Variants in GLYAT observed in about 807,000 individuals in gnomAD.
GLYAT encodes glycine-N-acyltransferase, also known as glycine N-acyltransferase.
In GLYAT, 25 loss-of-function variants were observed where a neutral mutation model predicts 22.8. That is an observed-to-expected ratio of 1.09 (90% CI 0.80 to 1.53). GLYAT has a LOEUF of 1.53. Ranked by LOEUF, GLYAT falls within the 40% of genes most tolerant of loss-of-function variation. The probability of loss-of-function intolerance (pLI) is 0.00; values close to 1 mark genes in which losing one functional copy is unlikely to be tolerated. For missense variants in GLYAT, 411 were observed against 353.9 expected (o/e 1.16, Z -1.29); for synonymous variants, 140 against 122.7 (o/e 1.14, Z -0.93).
intron 1 of GLYAT, 81 bp from the exon 2 acceptor site, chr11:58,724,592 A>C: frequency 1.8e-6 from 1 of 560,236 alleles, no homozygotes; most frequent in Non-Finnish European, 2.7e-6. Context: ...TTCTTTATTA[A>C]TGACCAGGTT....
chr11:58,722,085 C>T (rs1357594811), intron 2 of GLYAT, among the ~76,000 whole-genome samples: 7 of 151,994 alleles, frequency 4.6e-5, no homozygotes, highest in Admixed American at 4.6e-4. Flanking sequence ...AATAAATAAA[C>T]TTAATAATTT....
At chr11:58,723,296 T>C (rs1856774787) in intron 2 of GLYAT, among the ~76,000 whole-genome samples, 1 of 152,058 alleles carries the variant, frequency 6.6e-6, no homozygotes, top group Non-Finnish European at 1.5e-5. Flanking sequence ...TTAAGGATTG[T>C]CATGTGAAGC....
intron 5 of GLYAT, 148 bp from the exon 6 acceptor site, chr11:58,710,316 C>T (rs754284049): frequency 1.5e-6 from 2 of 1,320,120 alleles, no homozygotes; most frequent in Non-Finnish European, 2.0e-6. Flanking sequence ...GAAAGAGGAA[C>T]AGAGTGAAGG....
chr11:58,712,864 T>A lies in GLYAT; in HGVS notation c.212A>T (p.His71Leu). 2 of 1,604,246 alleles carry A rather than the reference T, an allele frequency of 1.2e-6. No homozygotes were observed. Among genetic ancestry groups the A allele is most frequent in the Non-Finnish European group, 1.7e-6 (2 of 1,171,220 alleles). The stretch of plus-strand genomic sequence containing the variant: ...GTAGATTTGGTAAGTATTGGTATAG[T>A]GATCAAGGTCATCTGTCATATCCTG... The part of the protein sequence containing the change: ...QEQDMTDDLD[H>L]YTNTYQIYSK... Residue 71 changes from histidine to leucine, a missense_variant, in exon 4 of 6, where the codon CAC (histidine) becomes CTC (leucine). By Grantham distance (99) the His-to-Leu change is moderately conservative. Transcript: ENST00000344743.
intron 3 of GLYAT, among the ~76,000 whole-genome samples, chr11:58,714,907 CT>C (rs1027562683): frequency 6.6e-6 from 1 of 151,796 alleles, no homozygotes. Flanking sequence ...ACTCATTGTC[CT>C]TTTTTTTACA....
At chr11:58,729,885 G>T (rs1856854244) in intron 1 of GLYAT, among the ~76,000 whole-genome samples, 1 of 152,110 alleles carries the variant, frequency 6.6e-6, no homozygotes, top group Non-Finnish European at 1.5e-5. Flanking sequence ...AGTTAAAGTA[G>T]AGCTTAATGT....
At chr11:58,721,449 A>G (rs1235746806) in intron 2 of GLYAT, among the ~76,000 whole-genome samples, 1 of 152,052 alleles carries the variant, frequency 6.6e-6, no homozygotes, top group Non-Finnish European at 1.5e-5. Flanking sequence ...GTGAAAACAG[A>G]ATTCAGTCAA....
intron 4 of GLYAT, 83 bp from the exon 5 acceptor site, chr11:58,710,844 A>G (rs969603384): frequency 2.5e-6 from 2 of 813,014 alleles, no homozygotes; most frequent in Non-Finnish European, 2.1e-6. Flanking sequence ...AGTGTCTGGG[A>G]TTTAGTATCA....
chr11:58,718,263 G>C (rs1014042510), intron 2 of GLYAT, among the ~76,000 whole-genome samples: 2 of 152,020 alleles, frequency 1.3e-5, no homozygotes, highest in African/African-American at 4.8e-5. Flanking sequence ...AAATTCTGGA[G>C]AAGTGAGGTA....
chr11:58,710,791 G>T (rs1856606382), intron 4 of GLYAT, 30 bp from the exon 5 acceptor site: 13 of 1,305,144 alleles, frequency 1.0e-5, no homozygotes, highest in Non-Finnish European at 1.3e-5. Flanking sequence ...GAGATGAAAT[G>T]GTTTAGGTAT....
intron 2 of GLYAT, among the ~76,000 whole-genome samples, chr11:58,716,854 A>T (rs1034923114): frequency 6.6e-6 from 1 of 152,064 alleles, no homozygotes; most frequent in Non-Finnish European, 1.5e-5. Context: ...TTTTAGGGAG[A>T]TATGATACCT....
At chr11:58,712,657 G>A in intron 4 of GLYAT, 103 bp downstream of exon 4, 1 of 973,776 alleles carries the variant, frequency 1.0e-6, no homozygotes, top group Admixed American at 1.9e-5. Context: ...AAAATTGACA[G>A]CAGGCTGGGA....
At chr11:58,714,704 G>C (rs774469682) in intron 3 of GLYAT, among the ~76,000 whole-genome samples, 4 of 152,066 alleles carry the variant, frequency 2.6e-5, no homozygotes, top group Non-Finnish European at 5.9e-5. Flanking sequence ...TTGCTTGACT[G>C]TCATTCTTTC....
At chr11:58,710,336 T>C in intron 5 of GLYAT, 168 bp from the exon 6 acceptor site, 14 of 1,195,342 alleles carry the variant, frequency 1.2e-5, no homozygotes, top group Non-Finnish European at 1.6e-5. Flanking sequence ...GTCAGAGCTG[T>C]TGGAGGAAGA....
At chr11:58,728,878 GAAA>G (rs1856839017) in intron 1 of GLYAT, 1 of 115,284 alleles carries the variant, frequency 8.7e-6, no homozygotes, top group African/African-American at 3.5e-5. Flanking sequence ...AAGAAAGAAA[GAAA>G]GAAAGAAAGA....
chr11:58,720,706 C>A (rs1347786194), intron 2 of GLYAT, among the ~76,000 whole-genome samples: 2 of 152,034 alleles, frequency 1.3e-5, no homozygotes, highest in Admixed American at 6.6e-5. Context: ...AAACCCATAT[C>A]AATGCATTAT....
chr11:58,726,683 C>T (rs1272840512), intron 1 of GLYAT, among the ~76,000 whole-genome samples: 1 of 152,024 alleles, frequency 6.6e-6, no homozygotes, highest in Non-Finnish European at 1.5e-5. Context: ...CCAAGTATTA[C>T]AAAGAAAATA....
chr11:58,731,008 C>T (rs1305735624), intron 1 of GLYAT, among the ~76,000 whole-genome samples: 2 of 152,034 alleles, frequency 1.3e-5, no homozygotes, highest in Admixed American at 6.6e-5. Flanking sequence ...TCACATACAA[C>T]ACATAAAGTT....
At chr11:58,712,408 G>A (rs970045034) in intron 4 of GLYAT, among the ~76,000 whole-genome samples, 1 of 152,058 alleles carries the variant, frequency 6.6e-6, no homozygotes, top group Non-Finnish European at 1.5e-5. Context: ...GGTGACCTGG[G>A]AAGTATTCTA....
Sources: gnomAD v4.1 joint callset for allele counts (sites outside exome capture counted in the v4.1 genomes callset) on GRCh38, gnomAD v4.1.1 for gene constraint, MANE v1.5 for transcripts, NCBI Gene and HGNC (gene_info 2026-07-23, HGNC 2026-07-21) for gene names.